ARK2C: variants seen among roughly 807,000 people sequenced by gnomAD.
The protein encoded by ARK2C is arkadia (RNF111) C-terminal like ring finger ubiquitin ligase 2C.
At chr18:46,423,151 C>G in the ARK2C span, among the ~76,000 whole-genome samples, 3 of 152,190 alleles carry the variant, frequency 2.0e-5, no homozygotes, top group East Asian at 1.9e-4. Flanking sequence ...GCCCTAAAGC[C>G]TTTCCTTTGG....
chr18:46,394,689 T>C, the ARK2C span, among the ~76,000 whole-genome samples: 1 of 152,240 alleles, frequency 6.6e-6, no homozygotes, highest in African/African-American at 2.4e-5. Flanking sequence ...AAATTGGCTC[T>C]GATAGACTCC....
the ARK2C span, among the ~76,000 whole-genome samples, chr18:46,401,510 A>T: frequency 6.6e-6 from 1 of 152,160 alleles, no homozygotes; most frequent in Non-Finnish European, 1.5e-5. Flanking sequence ...TCTTCTGGAG[A>T]CGTGAAGTGA....
At chr18:46,376,433 C>G in the ARK2C span, among the ~76,000 whole-genome samples, 4 of 152,174 alleles carry the variant, frequency 2.6e-5, no homozygotes, top group African/African-American at 9.7e-5. Flanking sequence ...TTGTTCCTGG[C>G]AGGTGGAGAG....
chr18:46,336,564 C>T, the ARK2C span: 6 of 985,438 alleles, frequency 6.1e-6, no homozygotes, highest in Non-Finnish European at 7.2e-6. Flanking sequence ...CAACAAGGTC[C>T]TAAACCACAA....
At chr18:46,360,525 T>A in the ARK2C span, among the ~76,000 whole-genome samples, 4 of 152,242 alleles carry the variant, frequency 2.6e-5, no homozygotes, top group East Asian at 7.7e-4. Flanking sequence ...TGTGTCCTTT[T>A]CTGAAAGACA....
At chr18:46,379,565 G>A in the ARK2C span, among the ~76,000 whole-genome samples, 10 of 152,160 alleles carry the variant, frequency 6.6e-5, no homozygotes, top group Admixed American at 6.5e-4. Flanking sequence ...TGTTTCTCTT[G>A]AGGCCTTCTC....
At chr18:46,377,128 T>C in the ARK2C span, among the ~76,000 whole-genome samples, 2 of 152,204 alleles carry the variant, frequency 1.3e-5, no homozygotes, top group Admixed American at 1.3e-4. Context: ...AATCAGCACA[T>C]GGCCTGACCT....
the ARK2C span, among the ~76,000 whole-genome samples, chr18:46,421,387 C>CATTT: frequency 6.6e-6 from 1 of 152,194 alleles, no homozygotes; most frequent in African/African-American, 2.4e-5. Context: ...TTCATTCATT[C>CATTT]ATTCATTCAG....
the ARK2C span, chr18:46,336,115 C>G: frequency 2.0e-6 from 2 of 985,140 alleles, no homozygotes; most frequent in Non-Finnish European, 2.4e-6. Flanking sequence ...AAATGCCACC[C>G]CCTCTCTCAA....
At chr18:46,338,056 G>A in the ARK2C span, among the ~76,000 whole-genome samples, 1 of 152,148 alleles carries the variant, frequency 6.6e-6, no homozygotes, top group South Asian at 2.1e-4. Context: ...CACTTAGGTT[G>A]AGAAAAGGGA....
the ARK2C span, among the ~76,000 whole-genome samples, chr18:46,406,237 C>T: frequency 2.0e-5 from 3 of 152,196 alleles, no homozygotes; most frequent in African/African-American, 7.2e-5. Flanking sequence ...TTGCATTGAA[C>T]CCCCCTCTCA....
chr18:46,423,137 G>A, the ARK2C span, among the ~76,000 whole-genome samples: 1 of 152,176 alleles, frequency 6.6e-6, no homozygotes, highest in South Asian at 2.1e-4. Context: ...CCTGTGAAAT[G>A]CAAGCCCTAA....
chr18:46,459,352 A>C, the ARK2C span: 1 of 152,250 alleles, frequency 6.6e-6, no homozygotes, highest in Non-Finnish European at 1.5e-5. Flanking sequence ...TTTCCTTCTG[A>C]CACTCACACT....
the ARK2C span, among the ~76,000 whole-genome samples, chr18:46,455,740 T>C: frequency 6.6e-6 from 1 of 151,990 alleles, no homozygotes; most frequent in Non-Finnish European, 1.5e-5. Context: ...GAGGCTGAGG[T>C]GGGAGAATCG....
chr18:46,424,459 T>C, the ARK2C span, among the ~76,000 whole-genome samples: 1 of 152,246 alleles, frequency 6.6e-6, no homozygotes, highest in Non-Finnish European at 1.5e-5. Flanking sequence ...AGGTCAGCGC[T>C]GGTCCTTGTT....
chr18:46,447,444 C>T, the ARK2C span: 1 of 1,074,158 alleles, frequency 9.3e-7, no homozygotes, highest in Non-Finnish European at 1.4e-6. Context: ...TGTAAAGTTC[C>T]TTGCAGCTCT....
At chr18:46,400,579 G>A in the ARK2C span, among the ~76,000 whole-genome samples, 1 of 152,114 alleles carries the variant, frequency 6.6e-6, no homozygotes, top group African/African-American at 2.4e-5. Flanking sequence ...GGGAACACCC[G>A]CACCTGTTTA....
the ARK2C span, among the ~76,000 whole-genome samples, chr18:46,376,664 C>CTTTTTTTTTTTT: frequency 2.8e-5 from 2 of 72,246 alleles, no homozygotes; most frequent in Non-Finnish European, 4.7e-5. Flanking sequence ...GGTTAATAAT[C>CTTTTTTTTTTTT]TTTTTTTTTT....
chr18:46,420,077 C>G, the ARK2C span, among the ~76,000 whole-genome samples: 1 of 152,168 alleles, frequency 6.6e-6, no homozygotes, highest in African/African-American at 2.4e-5. Context: ...GATATCCACT[C>G]ACTGATGTGA....
Sources: allele counts gnomAD v4.1 joint callset (sites outside exome capture counted in the v4.1 genomes callset), GRCh38; gene constraint gnomAD v4.1.1; transcripts MANE v1.5; gene names NCBI Gene and HGNC (gene_info 2026-07-23, HGNC 2026-07-21).